CD2AP: variants seen among roughly 807,000 people sequenced by gnomAD.
CD2AP encodes the protein CD2-associated protein.
In CD2AP, 46 loss-of-function variants were observed where a neutral mutation model predicts 85.1. The ratio of observed to expected loss-of-function variants is 0.54; its 90% CI spans 0.43 to 0.69. The LOEUF (loss-of-function observed/expected upper bound fraction) is 0.69, where lower values mean the gene tolerates loss of function less well. CD2AP is among the 30% of genes least tolerant of loss of function. The pLI, the probability that CD2AP is intolerant of heterozygous loss-of-function variation, is 0.00. For missense variants in CD2AP, 769 were observed against 729.5 expected (o/e 1.05, Z -0.62); for synonymous variants, 255 against 252.9 (o/e 1.01, Z -0.08).
intron 11 of CD2AP, among the ~76,000 whole-genome samples, chr6:47,592,494 C>T (rs1382867411): frequency 6.6e-6 from 1 of 152,014 alleles, no homozygotes; most frequent in Non-Finnish European, 1.5e-5. Flanking sequence ...AATATTTGTC[C>T]CTGGTTCCTG....
At chr6:47,504,050 T>C (rs2113982060) in intron 2 of CD2AP, among the ~76,000 whole-genome samples, 1 of 152,384 alleles carries the variant, frequency 6.6e-6, no homozygotes, top group Middle Eastern at 3.4e-3. Context: ...AACATTCCTT[T>C]TTTAGTAAGT....
intron 4 of CD2AP, among the ~76,000 whole-genome samples, chr6:47,548,832 A>G (rs1767437831): frequency 6.6e-6 from 1 of 152,170 alleles, no homozygotes; most frequent in African/African-American, 2.4e-5. Flanking sequence ...GAATCCAACA[A>G]CATATCAAAA....
At chr6:47,583,961 G>A (rs1768552354) in intron 11 of CD2AP, among the ~76,000 whole-genome samples, 2 of 152,254 alleles carry the variant, frequency 1.3e-5, no homozygotes, top group South Asian at 4.1e-4. Flanking sequence ...TTTCTAATAG[G>A]TGTGTAGTGG....
At chr6:47,510,762 T>C (rs1431199858) in intron 2 of CD2AP, among the ~76,000 whole-genome samples, 1 of 152,002 alleles carries the variant, frequency 6.6e-6, no homozygotes, top group Non-Finnish European at 1.5e-5. Context: ...AAAGCTTTCC[T>C]CAGGTGTGGA....
intron 5 of CD2AP, among the ~76,000 whole-genome samples, chr6:47,559,281 GC>G (rs1167883920): frequency 4.7e-5 from 7 of 147,992 alleles, no homozygotes; most frequent in Admixed American, 4.7e-4. Context: ...TTTTTAACAG[GC>G]AGGGTTTCAC....
At chr6:47,620,080 T>G (rs9367289) in intron 17 of CD2AP, among the ~76,000 whole-genome samples, 47,545 of 152,076 alleles carry the variant, frequency 0.31, 8,566 homozygotes, top group Middle Eastern at 0.51. Flanking sequence ...TCTCAGCTAT[T>G]TATCTTTGTT....
rs146480848 is a variant in CD2AP at position 47,559,109 on chromosome 6, C to T, written c.541+4343C>T. On this transcript the variant is annotated intron_variant, in intron 5 of 17. Coordinates refer to ENST00000359314, the MANE Select transcript of CD2AP (RefSeq NM_012120.3). ...TCTTCTATATTTTCTAGTTTATTTGCGTAGAGGTGTTTATAGTATTCTCTG... is the reference window on the plus strand; with the variant it reads ...TCTTCTATATTTTCTAGTTTATTTGTGTAGAGGTGTTTATAGTATTCTCTG... Among the ~76,000 whole-genome samples, 738 of 152,142 alleles carry T rather than the reference C, an allele frequency of 4.9e-3. 5 individuals carry two copies. The highest frequency in any genetic ancestry group is 0.017 in the African/African-American group (689 of 41,520).
intron 6 of CD2AP, among the ~76,000 whole-genome samples, chr6:47,574,698 C>A (rs1018216212): frequency 2.6e-5 from 4 of 151,720 alleles, no homozygotes; most frequent in Non-Finnish European, 4.4e-5. Flanking sequence ...TAAATTTCCT[C>A]TAGATTGTCA....
chr6:47,565,624 A>G (rs1332720908), intron 5 of CD2AP, among the ~76,000 whole-genome samples: 1 of 152,018 alleles, frequency 6.6e-6, no homozygotes, highest in Non-Finnish European at 1.5e-5. Flanking sequence ...TTAAGGAGAA[A>G]TTCATCCTTC....
chr6:47,529,195 C>G (rs949774408), intron 2 of CD2AP, among the ~76,000 whole-genome samples: 33 of 119,934 alleles, frequency 2.8e-4, no homozygotes, highest in Middle Eastern at 3.8e-3. Flanking sequence ...CCCCCCCCCC[C>G]CCCCCAACTT....
rs993173093 is a variant in CD2AP at position 47,527,703 on chromosome 6, G to A, written c.166-5899G>A. Among the ~76,000 whole-genome samples the A allele has an allele frequency of 2.0e-5, 3 of 152,204 alleles. No individual in the cohort carries two copies. The South Asian group carries it at 6.2e-4, about 32-fold the overall frequency. ...ATGTTGTCAGCTGTGCCAGGAAGCT[G>A]CTTGGAGTACGTTGAGTGATACCTG... On this transcript the variant is annotated intron_variant, in intron 2 of 17. Transcript: ENST00000359314.
chr6:47,568,507 T>TG (rs1436441989), intron 5 of CD2AP, among the ~76,000 whole-genome samples: 2 of 152,050 alleles, frequency 1.3e-5, no homozygotes, highest in East Asian at 3.9e-4. Context: ...TTTGGGAGGC[T>TG]GAGGTGGGTG....
intron 1 of CD2AP, among the ~76,000 whole-genome samples, chr6:47,494,093 T>C (rs1188777020): frequency 6.6e-6 from 1 of 152,236 alleles, no homozygotes; most frequent in Non-Finnish European, 1.5e-5. Flanking sequence ...TTAGACTTGC[T>C]TTTTCTTGCC....
intron 5 of CD2AP, among the ~76,000 whole-genome samples, chr6:47,573,590 G>A (rs886964863): frequency 6.9e-6 from 1 of 145,250 alleles, no homozygotes; most frequent in Non-Finnish European, 1.5e-5. Context: ...CCAGGTTCAC[G>A]CCATTCTCCT....
chr6:47,482,942 G>C (rs1765482193), intron 1 of CD2AP, among the ~76,000 whole-genome samples: 1 of 152,162 alleles, frequency 6.6e-6, no homozygotes, highest in African/African-American at 2.4e-5. Context: ...GAAGTATAAT[G>C]ATTATTCATT....
intron 5 of CD2AP, among the ~76,000 whole-genome samples, chr6:47,572,617 T>A (rs1268646072): frequency 5.3e-5 from 8 of 152,224 alleles, no homozygotes; most frequent in Non-Finnish European, 1.2e-4. Context: ...TTGGAGACTT[T>A]TCTGGTCTGA....
intron 17 of CD2AP, among the ~76,000 whole-genome samples, chr6:47,621,764 A>C (rs1488262302): frequency 6.6e-6 from 1 of 151,922 alleles, no homozygotes; most frequent in East Asian, 1.9e-4. Flanking sequence ...TTCCTGATTT[A>C]ATCTAGGAGG....
At chr6:47,600,711 G>C (rs1328398015) in intron 13 of CD2AP, among the ~76,000 whole-genome samples, 3 of 151,842 alleles carry the variant, frequency 2.0e-5, no homozygotes, top group Admixed American at 1.3e-4. Flanking sequence ...GAATCCTCAT[G>C]TTTTAAAAAA....
Position 47,599,455 on chromosome 6 carries a change from T to C in CD2AP, c.1417+12T>C. 7 of 1,609,870 alleles carry C rather than the reference T, an allele frequency of 4.3e-6. No individual in the cohort carries two copies. Among genetic ancestry groups the C allele is most frequent in the Non-Finnish European group, 5.9e-6 (7 of 1,177,390 alleles). ...CTCCAAAGAAACAGGTAAGTCAGCA[T>C]GGACAGCGGTGGTGCATTTAAAAAA... is the stretch of plus-strand genomic sequence containing the variant. On this transcript the variant is annotated intron_variant, in intron 13 of 17. Coordinates refer to ENST00000359314, the MANE Select transcript of CD2AP (RefSeq NM_012120.3).
Sources: gnomAD v4.1 joint callset for allele counts (sites outside exome capture counted in the v4.1 genomes callset) on GRCh38, gnomAD v4.1.1 for gene constraint, MANE v1.5 for transcripts, NCBI Gene and HGNC (gene_info 2026-07-23, HGNC 2026-07-21) for gene names.